SLC4A10: variants seen among roughly 807,000 people sequenced by gnomAD.
SLC4A10 encodes solute carrier family 4 member 10.
SLC4A10 carries 42 observed loss-of-function variants against 137.7 expected under a neutral mutation model. That is an observed-to-expected ratio of 0.30 (90% CI 0.24 to 0.39). The LOEUF is 0.39. Among genes scored for constraint, SLC4A10 ranks in the 10% least tolerant of loss-of-function variants. SLC4A10 has a pLI of 1.00. For missense variants in SLC4A10, 925 were observed against 1,355.0 expected, an observed-to-expected ratio of 0.68 and a Z score of 4.98; for synonymous variants, 474 against 464.1, an observed-to-expected ratio of 1.02 and a Z score of -0.27.
intron 15 of SLC4A10, among the ~76,000 whole-genome samples, chr2:161,921,703 A>G (rs1406583068): frequency 6.6e-6 from 1 of 152,220 alleles, no homozygotes; most frequent in Non-Finnish European, 1.5e-5. Context: ...CAAACAATCA[A>G]TCTGAGGCTC....
At chr2:161,674,896 C>T (rs2040118259) in intron 1 of SLC4A10, among the ~76,000 whole-genome samples, 1 of 152,082 alleles carries the variant, frequency 6.6e-6, no homozygotes, top group Admixed American at 6.6e-5. Flanking sequence ...TTTGTTAAGT[C>T]CATTCAGGCA....
chr2:161,919,612 C>T (rs1485680914), intron 15 of SLC4A10, among the ~76,000 whole-genome samples: 1 of 152,102 alleles, frequency 6.6e-6, no homozygotes, highest in African/African-American at 2.4e-5. Flanking sequence ...AGGAGCTACC[C>T]ACTTTGGGCC....
intron 1 of SLC4A10, among the ~76,000 whole-genome samples, chr2:161,708,303 A>G (rs960709863): frequency 1.6e-4 from 24 of 151,516 alleles, no homozygotes; most frequent in African/African-American, 4.8e-4. Context: ...TTAGTCACAT[A>G]TAGAGAAAGC....
At chr2:161,928,115 A>G (rs1248321231) in intron 15 of SLC4A10, among the ~76,000 whole-genome samples, 2 of 150,198 alleles carry the variant, frequency 1.3e-5, no homozygotes, top group South Asian at 2.1e-4. Context: ...AAGACTTGGA[A>G]CCAACCCAAA....
intron 15 of SLC4A10, among the ~76,000 whole-genome samples, chr2:161,942,228 A>G (rs74978301): frequency 0.013 from 2,002 of 152,286 alleles, 39 homozygotes; most frequent in East Asian, 0.098. Flanking sequence ...ATTCTTCTCT[A>G]TGAAAATGCT....
At chr2:161,775,724 T>C (rs149905978) in intron 2 of SLC4A10, among the ~76,000 whole-genome samples, 54 of 152,014 alleles carry the variant, frequency 3.6e-4, no homozygotes, top group African/African-American at 1.3e-3. Flanking sequence ...CTCTCTTCAT[T>C]GTTCACCTTT....
At chr2:161,791,435 GA>G (rs887438769) in intron 2 of SLC4A10, among the ~76,000 whole-genome samples, 4 of 152,120 alleles carry the variant, frequency 2.6e-5, no homozygotes, top group African/African-American at 9.7e-5. Flanking sequence ...ATGGACACAT[GA>G]GAGGAAACAA....
intron 1 of SLC4A10, among the ~76,000 whole-genome samples, chr2:161,690,763 G>A (rs2041900804): frequency 6.6e-6 from 1 of 152,020 alleles, no homozygotes; most frequent in South Asian, 2.1e-4. Flanking sequence ...TATAGGGAGG[G>A]GAACAACACA....
intron 4 of SLC4A10, 147 bp downstream of exon 4, chr2:161,840,074 G>A (rs1428497344): frequency 6.6e-6 from 6 of 909,390 alleles, no homozygotes; most frequent in Admixed American, 5.2e-5. Flanking sequence ...ATCCTATAAC[G>A]GGATATGGGT....
chr2:161,670,167 T>C (rs1379241043), intron 1 of SLC4A10, among the ~76,000 whole-genome samples: 2 of 152,086 alleles, frequency 1.3e-5, no homozygotes, highest in Non-Finnish European at 2.9e-5. Context: ...ATTATTTTAG[T>C]CTTTAGGGTC....
chr2:161,974,556 G>T (rs997812921), intron 24 of SLC4A10, among the ~76,000 whole-genome samples: 11 of 152,124 alleles, frequency 7.2e-5, no homozygotes, highest in African/African-American at 2.4e-4. Context: ...AGTTTTTCTT[G>T]CTCCTGTTTT....
At chr2:161,819,813 G>A (rs1287779936) in intron 3 of SLC4A10, among the ~76,000 whole-genome samples, 2 of 152,072 alleles carry the variant, frequency 1.3e-5, no homozygotes, top group Non-Finnish European at 2.9e-5. Context: ...TATTTTTAAT[G>A]TCATCTTCTA....
chr2:161,902,502 C>T (rs368099409), intron 12 of SLC4A10, among the ~76,000 whole-genome samples: 8 of 152,186 alleles, frequency 5.3e-5, no homozygotes, highest in African/African-American at 1.4e-4. Context: ...TTTTACCAAA[C>T]ATGGGTAGAG....
chr2:161,626,802 A>G (rs894957907), intron 1 of SLC4A10, among the ~76,000 whole-genome samples: 2 of 152,136 alleles, frequency 1.3e-5, no homozygotes, highest in African/African-American at 4.8e-5. Flanking sequence ...TGTTTTAAAA[A>G]TTCAATATTT....
At chr2:161,671,936 A>T (rs2039771218) in intron 1 of SLC4A10, among the ~76,000 whole-genome samples, 1 of 152,192 alleles carries the variant, frequency 6.6e-6, no homozygotes, top group Admixed American at 6.5e-5. Context: ...TGTTTTGGTG[A>T]TGAGAGGAAA....
chr2:161,666,014 T>C (rs947339885), intron 1 of SLC4A10, among the ~76,000 whole-genome samples: 23 of 150,514 alleles, frequency 1.5e-4, no homozygotes, highest in African/African-American at 5.6e-4. Context: ...ATTATTTTAT[T>C]GTAATGATAC....
At chr2:161,965,848 C>T (rs1697479121) in intron 23 of SLC4A10, among the ~76,000 whole-genome samples, 1 of 152,002 alleles carries the variant, frequency 6.6e-6, no homozygotes, top group African/African-American at 2.4e-5. Flanking sequence ...ACTTAATCAA[C>T]ATTTTTTTAA....
chr2:161,832,232 G>T (rs1292080200), intron 3 of SLC4A10, among the ~76,000 whole-genome samples: 1 of 152,156 alleles, frequency 6.6e-6, no homozygotes, highest in Non-Finnish European at 1.5e-5. Context: ...CACAAATGAT[G>T]ATACTCTAGG....
intron 1 of SLC4A10, among the ~76,000 whole-genome samples, chr2:161,768,710 A>T (rs1375681043): frequency 6.6e-6 from 1 of 151,948 alleles, no homozygotes; most frequent in African/African-American, 2.4e-5. Context: ...AACCAATACC[A>T]TAGGTCTCTG....
Sources: gnomAD v4.1 joint callset for allele counts (sites outside exome capture counted in the v4.1 genomes callset) on GRCh38, gnomAD v4.1.1 for gene constraint, MANE v1.5 for transcripts, NCBI Gene and HGNC (gene_info 2026-07-23, HGNC 2026-07-21) for gene names.